Variants in CNTNAP2 observed in about 807,000 individuals in gnomAD.
CNTNAP2 encodes the protein contactin-associated protein-like 2.
Under a neutral mutation model 155.2 loss-of-function variants are expected in CNTNAP2, and 98 were observed. That is an observed-to-expected ratio of 0.63 (90% CI 0.54 to 0.75). The LOEUF (loss-of-function observed/expected upper bound fraction) is 0.75, where lower values mean the gene tolerates loss of function less well. CNTNAP2 is among the 30% of genes least tolerant of loss of function. The pLI is 0.00. For synonymous variants in CNTNAP2, 651 were observed against 631.2 expected, an observed-to-expected ratio of 1.03 and a Z score of -0.47; for missense variants, 1,727 against 1,688.1, an observed-to-expected ratio of 1.02 and a Z score of -0.40.
chr7:147,101,187 A>G (rs768001691), intron 4 of CNTNAP2, among the ~76,000 whole-genome samples: 11 of 152,190 alleles, frequency 7.2e-5, no homozygotes, highest in Non-Finnish European at 1.2e-4. Context: ...GGCAGGAGCT[A>G]TATCATTGAG....
chr7:147,224,048 T>TCC (rs10690744), intron 8 of CNTNAP2, among the ~76,000 whole-genome samples: 122,836 of 151,516 alleles, frequency 0.81, 50,466 homozygotes, highest in African/African-American at 0.95. Flanking sequence ...TGGAGAACTG[T>TCC]CAGCCAGCGC....
intron 1 of CNTNAP2, among the ~76,000 whole-genome samples, chr7:146,129,315 C>T (rs532023478): frequency 6.6e-6 from 1 of 152,054 alleles, no homozygotes; most frequent in South Asian, 2.1e-4. Context: ...ATCAATAGGG[C>T]CTTTTTTTCA....
At chr7:147,741,228 T>C (rs1305294273) in intron 13 of CNTNAP2, among the ~76,000 whole-genome samples, 1 of 152,206 alleles carries the variant, frequency 6.6e-6, no homozygotes, top group African/African-American at 2.4e-5. Context: ...TAGATGGACC[T>C]TGAGCTATTC....
chr7:147,662,795 G>C (rs1420364484), intron 13 of CNTNAP2, among the ~76,000 whole-genome samples: 1 of 152,172 alleles, frequency 6.6e-6, no homozygotes, highest in Non-Finnish European at 1.5e-5. Context: ...ATTGGCCTCT[G>C]CCATTTGATC....
At chr7:147,393,794 G>T in intron 9 of CNTNAP2, among the ~76,000 whole-genome samples, 1 of 151,864 alleles carries the variant, frequency 6.6e-6, no homozygotes, top group Middle Eastern at 3.4e-3. Context: ...TTTAAGTCAA[G>T]AAGTTAATTC....
chr7:146,428,598 GTTT>G (rs529126998), intron 1 of CNTNAP2, among the ~76,000 whole-genome samples: 269 of 148,754 alleles, frequency 1.8e-3, no homozygotes, highest in African/African-American at 6.5e-3. Context: ...GGGGTTGTTT[GTTT>G]TTTTTTCTTT....
At chr7:146,720,632 A>G (rs1801269978) in intron 1 of CNTNAP2, among the ~76,000 whole-genome samples, 1 of 152,066 alleles carries the variant, frequency 6.6e-6, no homozygotes, top group South Asian at 2.1e-4. Context: ...AATAAAAAAT[A>G]GAAATGACAC....
chr7:148,067,805 C>T (rs1803296712), intron 15 of CNTNAP2, among the ~76,000 whole-genome samples: 1 of 152,170 alleles, frequency 6.6e-6, no homozygotes, highest in Non-Finnish European at 1.5e-5. Context: ...GCTCAGCCTC[C>T]CCTTGGGCAG....
chr7:147,280,140 C>A (rs1168281370), intron 8 of CNTNAP2, among the ~76,000 whole-genome samples: 1 of 151,788 alleles, frequency 6.6e-6, no homozygotes, highest in Non-Finnish European at 1.5e-5. Context: ...CAAGACATTA[C>A]CAGAGTGGGA....
chr7:147,989,723 A>G (rs2373288), intron 15 of CNTNAP2, among the ~76,000 whole-genome samples: 110,076 of 152,204 alleles, frequency 0.72, 40,638 homozygotes, highest in Non-Finnish European at 0.8. Context: ...GTCCCCAGGG[A>G]CAATGTCCTT....
intron 12 of CNTNAP2, among the ~76,000 whole-genome samples, chr7:147,612,475 A>C (rs1322656806): frequency 6.8e-6 from 1 of 147,786 alleles, no homozygotes; most frequent in African/African-American, 2.5e-5. Flanking sequence ...ATCTCGGCTC[A>C]CCACAACCTC....
At chr7:146,877,387 C>G (rs1195957505) in intron 3 of CNTNAP2, among the ~76,000 whole-genome samples, 1 of 151,780 alleles carries the variant, frequency 6.6e-6, no homozygotes, top group East Asian at 1.9e-4. Flanking sequence ...TGCCTGCAGT[C>G]TTATCTGCTG....
chr7:147,068,139 T>C (rs1277521356), intron 4 of CNTNAP2, among the ~76,000 whole-genome samples: 1 of 152,158 alleles, frequency 6.6e-6, no homozygotes, highest in South Asian at 2.1e-4. Flanking sequence ...CTCTGTATCC[T>C]CTTTTAAAGG....
intron 9 of CNTNAP2, among the ~76,000 whole-genome samples, chr7:147,387,601 G>T (rs971007982): frequency 6.6e-6 from 1 of 152,054 alleles, no homozygotes; most frequent in African/African-American, 2.4e-5. Flanking sequence ...TAAAATTGGG[G>T]TACTTGGTGT....
intron 14 of CNTNAP2, among the ~76,000 whole-genome samples, chr7:147,904,345 A>C (rs1047203742): frequency 1.3e-5 from 2 of 152,204 alleles, no homozygotes; most frequent in African/African-American, 4.8e-5. Flanking sequence ...CCCGCAGTGA[A>C]TAGCTGGGTC....
intron 4 of CNTNAP2, among the ~76,000 whole-genome samples, chr7:147,101,079 A>G (rs906848103): frequency 6.6e-6 from 1 of 152,188 alleles, no homozygotes; most frequent in Admixed American, 6.5e-5. Context: ...GCATAGCCCG[A>G]GGAAAGGTGC....
chr7:147,723,515 G>A (rs571342171), intron 13 of CNTNAP2, among the ~76,000 whole-genome samples: 9 of 151,902 alleles, frequency 5.9e-5, no homozygotes, highest in South Asian at 4.2e-4. Context: ...AAGGAAAGGC[G>A]TGTGATCTCT....
intron 9 of CNTNAP2, among the ~76,000 whole-genome samples, chr7:147,342,615 C>A (rs901938093): frequency 6.6e-6 from 1 of 152,124 alleles, no homozygotes; most frequent in South Asian, 2.1e-4. Flanking sequence ...ATCAGTGAAA[C>A]CCGTAGCAAT....
At chr7:148,316,769 C>T (rs1415841704) in intron 21 of CNTNAP2, among the ~76,000 whole-genome samples, 1 of 152,174 alleles carries the variant, frequency 6.6e-6, no homozygotes, top group Non-Finnish European at 1.5e-5. Flanking sequence ...CTATTGCGAT[C>T]TCATTTTGCA....
Sources: allele counts gnomAD v4.1 joint callset (sites outside exome capture counted in the v4.1 genomes callset), GRCh38; gene constraint gnomAD v4.1.1; transcripts MANE v1.5; gene names NCBI Gene and HGNC (gene_info 2026-07-23, HGNC 2026-07-21).